HTT: variants seen among roughly 807,000 people sequenced by gnomAD.
HTT encodes huntingtin.
HTT carries 104 observed loss-of-function variants against 362.3 expected under a neutral mutation model. The ratio of observed to expected loss-of-function variants is 0.29; its 90% confidence interval spans 0.24 to 0.34. HTT has a LOEUF of 0.34. HTT is among the 10% of genes least tolerant of loss of function. The pLI is 1.00. For synonymous variants in HTT, 1,577 were observed against 1,548.7 expected, an observed-to-expected ratio of 1.02 and a Z score of -0.43; for missense variants, 3,301 against 3,928.6, an observed-to-expected ratio of 0.84 and a Z score of 4.27.
chr4:3,094,283 A>T (rs1193056646), intron 2 of HTT, among the ~76,000 whole-genome samples: 1 of 152,206 alleles, frequency 6.6e-6, no homozygotes, highest in Non-Finnish European at 1.5e-5. Context: ...TTTTCTTAGT[A>T]CAGAACAAAA....
At chr4:3,191,622 T>G (rs542650756) in intron 40 of HTT, among the ~76,000 whole-genome samples, 1 of 152,102 alleles carries the variant, frequency 6.6e-6, no homozygotes, top group South Asian at 2.1e-4. Flanking sequence ...ATGGTAGAGA[T>G]AGAGGTGGGG....
chr4:3,177,488 G>T, intron 34 of HTT, 101 bp downstream of exon 34: 1 of 768,758 alleles, frequency 1.3e-6, no homozygotes, highest in South Asian at 1.8e-5. Context: ...AGGCATTTTT[G>T]CTGTTTTCTT....
Position 3,212,713 on chromosome 4 carries a change from A to C in HTT, c.6774+4A>C. The stretch of plus-strand genomic sequence containing the variant: ...ATTCGTGGTGGCAACCCTTGAGGTA[A>C]GAGGCAGCTCGGGAGCTCAGTGTTG... On this transcript the variant is annotated splice_donor_region_variant and intron_variant, in intron 49 of 66. Coordinates refer to ENST00000355072, the MANE Select transcript of HTT (RefSeq NM_001388492.1). 1 of 1,614,210 alleles carries C rather than the reference A, an allele frequency of 6.2e-7. No individual in the cohort carries two copies. The highest frequency in any genetic ancestry group is 8.5e-7 in the Non-Finnish European group (1 of 1,180,022).
chr4:3,224,160 G>T (rs752415494), intron 56 of HTT, 29 bp downstream of exon 56: 2 of 1,612,054 alleles, frequency 1.2e-6, no homozygotes, highest in African/African-American at 2.7e-5. Context: ...GCGGGGGAGC[G>T]GTTGTACTTG....
chr4:3,164,001 C>A (rs534560666), intron 29 of HTT, among the ~76,000 whole-genome samples: 85 of 151,820 alleles, frequency 5.6e-4, no homozygotes, highest in Non-Finnish European at 1.2e-3. Flanking sequence ...TTTTCTAGTT[C>A]TTTTAATTGT....
At position 3,218,788 on chromosome 4, in the gene HTT, G is replaced by A. The variant is rs185897008; in HGVS notation, c.7242+836G>A. Among the ~76,000 whole-genome samples the A allele has an allele frequency of 6.5e-4, 99 of 152,326 alleles. No homozygotes were observed. The highest frequency in any genetic ancestry group is 1.1e-3 in the Non-Finnish European group (72 of 68,030). ...CAGCCCGCTGAAATAAGATGATGGGGCCTGTTCCTTAGGGCCTGCAGCATC... is the reference window on the plus strand; with the variant it reads ...CAGCCCGCTGAAATAAGATGATGGGACCTGTTCCTTAGGGCCTGCAGCATC... On this transcript the variant is annotated intron_variant, in intron 52 of 66. Transcript: ENST00000355072. The surrounding 1 kb of genome is among the most constrained non-coding windows in gnomAD (Gnocchi z 4.4).
chr4:3,147,942 C>T, intron 25 of HTT, 63 bp from the exon 26 acceptor site: 1 of 1,362,858 alleles, frequency 7.3e-7, no homozygotes, highest in African/African-American at 1.4e-5. Context: ...CTTCAGTTCC[C>T]CAAGCAATTT....
At chr4:3,155,316 G>T (rs1308027743) in intron 27 of HTT, among the ~76,000 whole-genome samples, 1 of 151,466 alleles carries the variant, frequency 6.6e-6, no homozygotes, top group African/African-American at 2.4e-5. Context: ...CTGCCTCCTG[G>T]GTTCAAGCAA....
intron 29 of HTT, among the ~76,000 whole-genome samples, chr4:3,161,127 T>G (rs1322320463): frequency 6.6e-6 from 1 of 152,208 alleles, no homozygotes; most frequent in East Asian, 1.9e-4. Flanking sequence ...TGTGCCCATG[T>G]GTTCTCATTG....
chr4:3,235,138 G>T, intron 61 of HTT, 146 bp from the exon 62 acceptor site: 2 of 623,476 alleles, frequency 3.2e-6, no homozygotes, highest in Non-Finnish European at 5.7e-6. Flanking sequence ...AGGTTGCAGG[G>T]GCCTGGGGGA....
At chr4:3,199,670 G>A (rs748429194) in intron 40 of HTT, 62 bp from the exon 41 acceptor site, 11 of 1,439,834 alleles carry the variant, frequency 7.6e-6, no homozygotes, top group African/African-American at 5.6e-5. Context: ...AAATCTTCGC[G>A]TAGCCATGTG....
At chr4:3,197,620 C>T (rs1719314458) in intron 40 of HTT, among the ~76,000 whole-genome samples, 1 of 152,090 alleles carries the variant, frequency 6.6e-6, no homozygotes, top group Non-Finnish European at 1.5e-5. Flanking sequence ...CCTGGGTTCT[C>T]CTGTTTGCTC....
At chr4:3,222,240 A>G (rs992064964) in intron 53 of HTT, 147 bp from the exon 54 acceptor site, 3 of 613,512 alleles carry the variant, frequency 4.9e-6, no homozygotes, top group Non-Finnish European at 8.7e-6. Context: ...TGTTCCCCGC[A>G]TCATAGAACT....
At position 3,187,637 on chromosome 4, in the gene HTT, T is replaced by G; in HGVS notation, c.4990-14T>G. 1 of 1,585,558 alleles carries G rather than the reference T, an allele frequency of 6.3e-7. No homozygotes were observed. Among genetic ancestry groups the G allele is most frequent in the Non-Finnish European group, 8.7e-7 (1 of 1,155,294 alleles). ...TTTTCTTCAGCTGTGACTTATGTATTATGTTTATTTTAGGCGTCCGTGAGC... is the reference window on the plus strand; with the variant it reads ...TTTTCTTCAGCTGTGACTTATGTATGATGTTTATTTTAGGCGTCCGTGAGC... On this transcript the variant is annotated splice_polypyrimidine_tract_variant and intron_variant, in intron 38 of 66. Coordinates refer to ENST00000355072, the MANE Select transcript of HTT (RefSeq NM_001388492.1).
Position 3,132,725 on chromosome 4 carries a change from C to A in HTT, c.2395+5C>A. On this transcript the variant is annotated splice_donor_5th_base_variant and intron_variant, in intron 17 of 66. Transcript: ENST00000355072. ...GCACCATTAGAACCCTCACAGGTAA[C>A]GGCCAGTTTTTCAGCTGTGTTTTTT... 6.2e-7 allele frequency: 1 copy of A among 1,614,080 alleles called. No individual in the cohort carries two copies. Among genetic ancestry groups the A allele is most frequent in the African/African-American group, 1.3e-5 (1 of 75,052 alleles).
At chr4:3,118,797 T>A (rs1445118983) in intron 8 of HTT, among the ~76,000 whole-genome samples, 1 of 152,222 alleles carries the variant, frequency 6.6e-6, no homozygotes, top group Non-Finnish European at 1.5e-5. Flanking sequence ...AAATAAATGA[T>A]GTGGCACATT....
At chr4:3,188,812 T>G in intron 39 of HTT, 139 bp from the exon 40 acceptor site, 1 of 776,636 alleles carries the variant, frequency 1.3e-6, no homozygotes, top group Non-Finnish European at 2.1e-6. Flanking sequence ...GCGACGGCGC[T>G]CTGCATTTCA....
chr4:3,235,574 G>T lies in HTT; in HGVS notation c.8581G>T (p.Val2861Leu). Residue 2861 changes from valine (V) to leucine (L), a missense_variant, in exon 63 of 67, where the codon GTG (valine) becomes TTG (leucine). Val to Leu is a conservative substitution (Grantham distance 32). Around this residue, in one of 4 missense-constraint regions of HTT, gnomAD observed 753 missense variants for 1,021.3 expected, o/e 0.74. Coordinates refer to ENST00000355072, the MANE Select transcript of HTT (RefSeq NM_001388492.1). ...CTTTCTCCCTGTGCAGATGTGTGGG[G>T]TGATGCTGTCTGGAAGTGAGGAGTC... is the stretch of plus-strand genomic sequence containing the variant. ...FSASIIQMCG[V>L]MLSGSEESTP... The T allele has an allele frequency of 6.2e-7, 1 of 1,613,876 alleles. No individual in the cohort carries two copies. The highest frequency in any genetic ancestry group is 8.5e-7 in the Non-Finnish European group (1 of 1,179,978).
In HTT at chr4:3,167,141, G is replaced by A. The variant is rs547262263; in HGVS notation, c.3865-5179G>A. On this transcript the variant is annotated intron_variant, in intron 29 of 66. Transcript: ENST00000355072. ...GGCTGACGTGCATCGGCACAATCTC[G>A]GCCCACTGCAACCTTTGCCTCCTGG... Among the ~76,000 whole-genome samples the A allele has an allele frequency of 1.7e-3, 266 of 152,230 alleles. 2 individuals carry two copies. Among genetic ancestry groups the A allele is most frequent in the South Asian group, 4.8e-3 (23 of 4,822 alleles).
Sources: gnomAD v4.1 joint callset for allele counts (sites outside exome capture counted in the v4.1 genomes callset) on GRCh38, gnomAD v4.1.1 for gene constraint, gnomAD v4.1.1 regional missense constraint, Gnocchi (gnomAD v3.1) non-coding constraint, MANE v1.5 for transcripts, NCBI Gene and HGNC (gene_info 2026-07-23, HGNC 2026-07-21) for gene names.